TAFA4: variants seen among roughly 807,000 people sequenced by gnomAD.
TAFA4 encodes the protein chemokine-like protein TAFA-4.
A neutral mutation model predicts 21.1 loss-of-function variants in TAFA4; 20 were observed. That is an observed-to-expected ratio of 0.95 (90% CI 0.67 to 1.38). TAFA4 has a LOEUF of 1.38. Ranked by LOEUF, TAFA4 falls within the 40% of genes most tolerant of loss-of-function variation. The pLI is 0.00. For synonymous variants in TAFA4, 71 were observed against 67.4 expected, an observed-to-expected ratio of 1.05 and a Z score of -0.26; for missense variants, 211 against 180.9, an observed-to-expected ratio of 1.17 and a Z score of -0.95.
chr3:68,825,608 T>C (rs1344573341), intron 3 of TAFA4, among the ~76,000 whole-genome samples: 1 of 151,988 alleles, frequency 6.6e-6, no homozygotes, highest in African/African-American at 2.4e-5. Context: ...CATTTCAGGA[T>C]AGGGAGAATA....
intron 1 of TAFA4, among the ~76,000 whole-genome samples, chr3:68,890,676 T>G (rs2089720908): frequency 6.6e-6 from 1 of 152,204 alleles, no homozygotes; most frequent in Non-Finnish European, 1.5e-5. Context: ...AAGATTCTAA[T>G]TTATGCTGTC....
chr3:68,744,663 A>C (rs1702420901), intron 4 of TAFA4, among the ~76,000 whole-genome samples: 1 of 152,144 alleles, frequency 6.6e-6, no homozygotes, highest in Admixed American at 6.6e-5. Flanking sequence ...CTGGAGGGGG[A>C]AATAAAAATG....
chr3:68,782,599 C>G (rs1004108809), intron 3 of TAFA4, among the ~76,000 whole-genome samples: 1 of 151,684 alleles, frequency 6.6e-6, no homozygotes, highest in Non-Finnish European at 1.5e-5. Flanking sequence ...CATGAATGAA[C>G]CTTAAAAACA....
At chr3:68,912,961 G>GA (rs2089973642) in intron 1 of TAFA4, among the ~76,000 whole-genome samples, 1 of 152,194 alleles carries the variant, frequency 6.6e-6, no homozygotes, top group Non-Finnish European at 1.5e-5. Flanking sequence ...AAGTGTTACT[G>GA]AAGGTGATGT....
intron 3 of TAFA4, among the ~76,000 whole-genome samples, chr3:68,854,309 A>G (rs1705019046): frequency 6.6e-6 from 1 of 152,074 alleles, no homozygotes; most frequent in African/African-American, 2.4e-5. Flanking sequence ...GGCAGACGAC[A>G]TCAGGGATAG....
At chr3:68,746,789 T>G (rs1270734139) in intron 4 of TAFA4, among the ~76,000 whole-genome samples, 10 of 152,204 alleles carry the variant, frequency 6.6e-5, no homozygotes, top group African/African-American at 2.2e-4. Context: ...GAATCTACGT[T>G]TGTCCTCTCT....
intron 1 of TAFA4, among the ~76,000 whole-genome samples, chr3:68,917,551 G>C (rs1435568278): frequency 6.6e-6 from 1 of 151,718 alleles, no homozygotes; most frequent in Non-Finnish European, 1.5e-5. Flanking sequence ...TCAGGAGCTC[G>C]AGACCAGCCT....
At chr3:68,805,074 C>G (rs557988761) in intron 3 of TAFA4, among the ~76,000 whole-genome samples, 1 of 152,212 alleles carries the variant, frequency 6.6e-6, no homozygotes, top group South Asian at 2.1e-4. Context: ...GGCTAATATC[C>G]AGAATCTACA....
At chr3:68,771,509 C>A (rs1994593) in intron 3 of TAFA4, among the ~76,000 whole-genome samples, 5,392 of 152,162 alleles carry the variant, frequency 0.035, 300 homozygotes, top group East Asian at 0.25. Flanking sequence ...GCACTTCCTG[C>A]GAGGGGGATA....
chr3:68,794,047 A>T (rs962741311), intron 3 of TAFA4, among the ~76,000 whole-genome samples: 2 of 152,206 alleles, frequency 1.3e-5, no homozygotes, highest in East Asian at 3.8e-4. Flanking sequence ...CCTGACCTGT[A>T]TAAACCCTGA....
chr3:68,843,578 G>A (rs189769807), intron 3 of TAFA4, among the ~76,000 whole-genome samples: 1 of 152,180 alleles, frequency 6.6e-6, no homozygotes, highest in Admixed American at 6.5e-5. Flanking sequence ...GTGAGAGAGG[G>A]CATCCCTGTC....
chr3:68,785,048 T>TA (rs1356287381), intron 3 of TAFA4, among the ~76,000 whole-genome samples: 1 of 149,474 alleles, frequency 6.7e-6, no homozygotes, highest in Non-Finnish European at 1.5e-5. Flanking sequence ...GACCTAGACA[T>TA]AAAGGTTCTC....
intron 3 of TAFA4, among the ~76,000 whole-genome samples, chr3:68,801,871 GA>G (rs143761875): frequency 0.017 from 2,628 of 152,014 alleles, 78 homozygotes; most frequent in African/African-American, 0.06. Flanking sequence ...TTTATAGGTG[GA>G]AAAAAATCCA....
intron 3 of TAFA4, among the ~76,000 whole-genome samples, chr3:68,878,114 C>G (rs1259767980): frequency 6.6e-6 from 1 of 152,112 alleles, no homozygotes; most frequent in Admixed American, 6.5e-5. Context: ...CCCAGTTTTT[C>G]CAGGGACTTT....
chr3:68,760,168 T>C (rs1402866780), intron 3 of TAFA4, among the ~76,000 whole-genome samples: 8 of 152,214 alleles, frequency 5.3e-5, no homozygotes, highest in African/African-American at 1.9e-4. Context: ...AAAAGTGTTA[T>C]GATAATCCTT....
chr3:68,867,485 GA>G (rs1211422885), intron 3 of TAFA4, among the ~76,000 whole-genome samples: 1 of 152,096 alleles, frequency 6.6e-6, no homozygotes, highest in Non-Finnish European at 1.5e-5. Flanking sequence ...GAAAACATTT[GA>G]AGGTAACAAA....
intron 3 of TAFA4, among the ~76,000 whole-genome samples, chr3:68,868,478 C>G (rs1484974366): frequency 6.6e-6 from 1 of 151,922 alleles, no homozygotes; most frequent in East Asian, 1.9e-4. Context: ...GGAACATTCT[C>G]CAGGACAGGT....
intron 3 of TAFA4, among the ~76,000 whole-genome samples, chr3:68,807,747 ACACT>A (rs1703734166): frequency 6.6e-6 from 1 of 152,164 alleles, no homozygotes; most frequent in Non-Finnish European, 1.5e-5. Flanking sequence ...TTATCAAGAG[ACACT>A]CACCATTTCA....
intron 3 of TAFA4, among the ~76,000 whole-genome samples, chr3:68,768,303 T>C (rs1451369220): frequency 6.6e-6 from 1 of 152,054 alleles, no homozygotes. Context: ...AAGACCTAAA[T>C]AGACATTTCT....
Sources: allele counts gnomAD v4.1 joint callset (sites outside exome capture counted in the v4.1 genomes callset), GRCh38; gene constraint gnomAD v4.1.1; transcripts MANE v1.5; gene names NCBI Gene and HGNC (gene_info 2026-07-23, HGNC 2026-07-21).